Variants in OPCML observed in about 807,000 individuals in gnomAD.
The protein encoded by OPCML is opioid-binding protein/cell adhesion molecule.
OPCML carries 13 observed loss-of-function variants against 37.8 expected under a neutral mutation model. The ratio of observed to expected loss-of-function variants is 0.34; its 90% CI spans 0.22 to 0.55. The LOEUF (loss-of-function observed/expected upper bound fraction) is 0.55, where lower values mean the gene tolerates loss of function less well. OPCML is among the 20% of genes least tolerant of loss of function. OPCML has a pLI of 0.91. For missense variants in OPCML, 341 were observed against 435.6 expected (o/e 0.78, Z 1.93); for synonymous variants, 176 against 168.8 (o/e 1.04, Z -0.33).
intron 1 of OPCML, among the ~76,000 whole-genome samples, chr11:132,964,217 C>G (rs1946161494): frequency 6.6e-6 from 1 of 152,216 alleles, no homozygotes; most frequent in South Asian, 2.1e-4. Context: ...AGTGCAGTGT[C>G]TGAATCGTGT....
chr11:132,810,131 G>A lies in OPCML; in HGVS notation c.146+132795C>T, dbSNP rs187991203. Among the ~76,000 whole-genome samples, 410 of 152,206 alleles carry A rather than the reference G, an allele frequency of 2.7e-3. 4 individuals carry two copies. The highest frequency in any genetic ancestry group is 0.026 in the South Asian group (125 of 4,826). On this transcript the variant is annotated intron_variant, in intron 2 of 7. Transcript: ENST00000524381. ...CCCAAAGTGCTGGGATTAGAGGCGTGAGCCACCACACCCAGCCTCTCCCTC... is the reference window on the plus strand; with the variant it reads ...CCCAAAGTGCTGGGATTAGAGGCGTAAGCCACCACACCCAGCCTCTCCCTC...
chr11:133,216,956 GA>G (rs563706227), intron 1 of OPCML, among the ~76,000 whole-genome samples: 17 of 152,138 alleles, frequency 1.1e-4, no homozygotes, highest in Non-Finnish European at 2.2e-4. Context: ...ATGTAAATAT[GA>G]AGATTGCCAT....
chr11:132,887,898 C>T (rs1394162882), intron 2 of OPCML, among the ~76,000 whole-genome samples: 2 of 152,176 alleles, frequency 1.3e-5, no homozygotes, highest in Admixed American at 6.5e-5. Context: ...GAGAATTTCT[C>T]TCAGGGATTT....
At chr11:132,979,635 T>A (rs964538286) in intron 1 of OPCML, among the ~76,000 whole-genome samples, 3 of 152,234 alleles carry the variant, frequency 2.0e-5, no homozygotes, top group Admixed American at 2.0e-4. Context: ...TTTGTTTATG[T>A]GTTTACAAAT....
chr11:132,852,698 CAGAG>C lies in OPCML; in HGVS notation c.146+90224_146+90227del, dbSNP rs536572184. 2.4e-4 allele frequency among the ~76,000 whole-genome samples: 37 copies of C among 152,126 alleles called. 1 individual carries two copies. In the South Asian group the frequency reaches 7.5e-3, roughly 31 times the overall value. On this transcript the variant is annotated intron_variant, in intron 2 of 7. Transcript: ENST00000524381. ...CACTTAAGAATGTCCTTCAATGAAA[CAGAG>C]AGAGTAATTTTAGTATATCTTGACT...
At chr11:133,232,882 C>T (rs569820555) in intron 1 of OPCML, among the ~76,000 whole-genome samples, 3 of 152,186 alleles carry the variant, frequency 2.0e-5, no homozygotes, top group Admixed American at 1.3e-4. Context: ...GATCCCAGTG[C>T]TGACAGCTTT....
intron 2 of OPCML, among the ~76,000 whole-genome samples, chr11:132,858,422 G>C (rs1235040105): frequency 2.0e-5 from 3 of 152,174 alleles, no homozygotes; most frequent in Admixed American, 6.5e-5. Context: ...CCCTTGCTCT[G>C]CCTGCAAGAA....
In OPCML at chr11:133,458,638, TAC is replaced by T. The variant is rs761820887; in HGVS notation, c.61+73624_61+73625del. 6.1e-4 allele frequency among the ~76,000 whole-genome samples: 81 copies of T among 132,100 alleles called. 1 individual carries two copies. Among genetic ancestry groups the T allele is most frequent in the Non-Finnish European group, 1.1e-3 (73 of 66,704 alleles). 86.7% of individuals were successfully genotyped at this position (132,100 alleles called of 152,430 possible). On this transcript the variant is annotated intron_variant, in intron 1 of 7. Coordinates refer to ENST00000524381, the MANE Select transcript of OPCML (RefSeq NM_001012393.5). ...ACATATATACACGTGTGTGTGTATA[TAC>T]ACATAGATGCACGTGTGTGTGTATA... is the stretch of plus-strand genomic sequence containing the variant.
intron 3 of OPCML, among the ~76,000 whole-genome samples, chr11:132,585,476 A>G (rs953805658): frequency 1.3e-5 from 2 of 152,176 alleles, no homozygotes; most frequent in African/African-American, 4.8e-5. Context: ...GACATTTAGC[A>G]TGAATGACTC....
rs564836574 is a variant in OPCML at position 133,458,624 on chromosome 11, CGT to C, written c.61+73638_61+73639del. On this transcript the variant is annotated intron_variant, in intron 1 of 7. Transcript: ENST00000524381. ...GTGTGTGTGTATACACATATATACACGTGTGTGTGTATATACACATAGATGCA... is the reference window on the plus strand; with the variant it reads ...GTGTGTGTGTATACACATATATACACGTGTGTGTATATACACATAGATGCA... Among the ~76,000 whole-genome samples, 72 of 120,580 alleles carry C rather than the reference CGT, an allele frequency of 6.0e-4. 5 individuals carry two copies. The highest frequency in any genetic ancestry group is 1.4e-3 in the East Asian group (6 of 4,430). The allele number at this position is 120,580 out of a possible 152,430, so 79.1% of individuals were successfully genotyped here.
intron 1 of OPCML, among the ~76,000 whole-genome samples, chr11:133,336,613 C>A (rs543913978): frequency 1.3e-5 from 2 of 152,258 alleles, no homozygotes; most frequent in East Asian, 1.9e-4. Context: ...GAAATTCATT[C>A]AGTGTTAGTT....
At chr11:133,219,548 T>C (rs2136358688) in intron 1 of OPCML, among the ~76,000 whole-genome samples, 1 of 152,346 alleles carries the variant, frequency 6.6e-6, no homozygotes, top group South Asian at 2.1e-4. Context: ...CCGGAGGGCT[T>C]GTTGAAACAT....
rs544243039 is a variant in OPCML at position 132,689,742 on chromosome 11, T to C, written c.147-32423A>G. Among the ~76,000 whole-genome samples the C allele has an allele frequency of 1.6e-4, 25 of 152,308 alleles. No homozygotes were observed. In the South Asian group the frequency reaches 4.8e-3, roughly 29 times the overall value. On this transcript the variant is annotated intron_variant, in intron 2 of 7. Transcript: ENST00000524381. ...CCATTTACTTACCTGTGAGATCTTATCCAAGTAGCTGAACCTTAAGAGGAT... is the reference window on the plus strand; with the variant it reads ...CCATTTACTTACCTGTGAGATCTTACCCAAGTAGCTGAACCTTAAGAGGAT...
intron 1 of OPCML, among the ~76,000 whole-genome samples, chr11:132,971,067 T>C (rs1394425154): frequency 1.3e-5 from 2 of 152,130 alleles, no homozygotes; most frequent in East Asian, 1.9e-4. Context: ...GACTTTAACC[T>C]TTTCATACAC....
At chr11:132,769,711 A>G (rs2007518) in intron 2 of OPCML, among the ~76,000 whole-genome samples, 55,749 of 151,880 alleles carry the variant, frequency 0.37, 10,850 homozygotes, top group Non-Finnish European at 0.43. Flanking sequence ...AGACTCGCGC[A>G]CCCACACCAA....
chr11:133,339,396 G>T (rs1193563948), intron 1 of OPCML, among the ~76,000 whole-genome samples: 1 of 152,164 alleles, frequency 6.6e-6, no homozygotes, highest in Non-Finnish European at 1.5e-5. Context: ...ACCGGGGTTT[G>T]TTCCCATAGC....
At chr11:133,490,116 T>C (rs935726847) in intron 1 of OPCML, among the ~76,000 whole-genome samples, 1 of 152,208 alleles carries the variant, frequency 6.6e-6, no homozygotes, top group Non-Finnish European at 1.5e-5. Flanking sequence ...AAATGCTACA[T>C]ATCAGGGTTT....
chr11:133,241,534 A>G (rs1940730573), intron 1 of OPCML, among the ~76,000 whole-genome samples: 1 of 152,232 alleles, frequency 6.6e-6, no homozygotes, highest in African/African-American at 2.4e-5. Context: ...TATCATTTAC[A>G]AAGCTCTTCA....
intron 1 of OPCML, among the ~76,000 whole-genome samples, chr11:133,362,972 A>G (rs1431967182): frequency 1.3e-5 from 2 of 152,198 alleles, no homozygotes; most frequent in East Asian, 3.9e-4. Flanking sequence ...TCTTGTTTTC[A>G]CATGGGACTA....
Sources: allele counts gnomAD v4.1 joint callset (sites outside exome capture counted in the v4.1 genomes callset), GRCh38; gene constraint gnomAD v4.1.1; transcripts MANE v1.5; gene names NCBI Gene and HGNC (gene_info 2026-07-23, HGNC 2026-07-21).